STIL: variants seen among roughly 807,000 people sequenced by gnomAD.
The protein encoded by STIL is SCL-interrupting locus protein.
Under a neutral mutation model 110.1 loss-of-function variants are expected in STIL, and 55 were observed. The ratio of observed to expected loss-of-function variants is 0.50; its 90% CI spans 0.40 to 0.63. The LOEUF is 0.63. STIL is among the 20% of genes least tolerant of loss of function. The pLI, the probability that STIL is intolerant of heterozygous loss-of-function variation, is 0.00. For missense variants in STIL, 1,358 were observed against 1,530.0 expected (o/e 0.89, Z 1.87); for synonymous variants, 481 against 530.0 (o/e 0.91, Z 1.27).
intron 1 of STIL, among the ~76,000 whole-genome samples, chr1:47,313,330 A>T (rs2149303770): frequency 1.2e-5 from 1 of 82,352 alleles, no homozygotes; most frequent in African/African-American, 5.0e-5. Flanking sequence ...TCTCAAAAAT[A>T]AACATAAAAA....
At position 47,251,239 on chromosome 1, in the gene STIL, T is replaced by G; in HGVS notation, c.3764A>C (p.Glu1255Ala). 6.2e-7 allele frequency: 1 copy of G among 1,611,274 alleles called. No individual in the cohort carries two copies. Among genetic ancestry groups the G allele is most frequent in the South Asian group, 1.1e-5 (1 of 90,676 alleles). Residue 1255 changes from glutamate (E) to alanine (A), a missense_variant, in exon 17 of 17, where the codon GAA (glutamate) becomes GCA (alanine). Transcript: ENST00000371877. ...TAGCGTTTCAGAAGGTTGCAAACTTTCAGGAAAAATTGTAATGTCCCCTTC... is the reference window on the plus strand; with the variant it reads ...TAGCGTTTCAGAAGGTTGCAAACTTGCAGGAAAAATTGTAATGTCCCCTTC... ...ENEGDITIFP[E>A]SLQPSETLKQ...
chr1:47,291,958 G>A (rs1312530796), intron 8 of STIL, among the ~76,000 whole-genome samples: 1 of 151,794 alleles, frequency 6.6e-6, no homozygotes, highest in Non-Finnish European at 1.5e-5. Context: ...CTGGGCTCAA[G>A]CGATCTTCCC....
intron 12 of STIL, among the ~76,000 whole-genome samples, chr1:47,272,971 T>C (rs1041755723): frequency 6.6e-6 from 1 of 152,216 alleles, no homozygotes; most frequent in African/African-American, 2.4e-5. Context: ...TTAATAACAA[T>C]GGCTAACAGT....
intron 14 of STIL, among the ~76,000 whole-genome samples, chr1:47,266,619 G>A (rs1644661597): frequency 6.6e-6 from 1 of 152,176 alleles, no homozygotes; most frequent in South Asian, 2.1e-4. Context: ...TGTTTCATGT[G>A]CTATTATCCT....
chr1:47,301,015 CA>C (rs1645788575), intron 5 of STIL, among the ~76,000 whole-genome samples: 1 of 152,130 alleles, frequency 6.6e-6, no homozygotes, highest in African/African-American at 2.4e-5. Flanking sequence ...TCTGATTTGA[CA>C]GTGTTTTCTT....
rs1438077193 is a variant in STIL at position 47,306,952 on chromosome 1, G to A, written c.45-1956C>T. Among the ~76,000 whole-genome samples, 4 of 152,300 alleles carry A rather than the reference G, an allele frequency of 2.6e-5. No homozygotes were observed. The East Asian group carries it at 7.7e-4, about 29-fold the overall frequency. ...GGATCACTTGAGGCCTGCAGTTCGA[G>A]ACCAGCCTGGCCAACATGGTGAAAC... On this transcript the variant is annotated intron_variant, in intron 2 of 16. Transcript: ENST00000371877.
At chr1:47,279,741 A>AC (rs1459660522) in intron 12 of STIL, among the ~76,000 whole-genome samples, 1 of 151,492 alleles carries the variant, frequency 6.6e-6, no homozygotes, top group Non-Finnish European at 1.5e-5. Context: ...AAAAAAAAAA[A>AC]AAAACAACAA....
At chr1:47,285,805 A>G (rs946345217) in intron 10 of STIL, among the ~76,000 whole-genome samples, 4 of 152,062 alleles carry the variant, frequency 2.6e-5, no homozygotes, top group South Asian at 2.1e-4. Flanking sequence ...TGACCCAAGA[A>G]GTCACAAGAC....
intron 12 of STIL, among the ~76,000 whole-genome samples, chr1:47,274,248 C>T (rs1178514263): frequency 6.6e-6 from 1 of 152,214 alleles, no homozygotes; most frequent in Non-Finnish European, 1.5e-5. Flanking sequence ...AAATTGATCA[C>T]TCAGTGTTTT....
rs1646086586 is a variant in STIL, at chr1:47,310,336, T to C, written c.-17A>G. On this transcript the variant is annotated 5_prime_UTR_variant, in exon 2 of 17. Transcript: ENST00000371877. ...AGGCTCCATGATGTCTGGTGAATGA[T>C]TTCTTTAATTCCAAATCCTCAGTAT... 2 of 1,611,794 alleles carry C rather than the reference T, an allele frequency of 1.2e-6. No homozygotes were observed. The highest frequency in any genetic ancestry group is 2.2e-5 in the East Asian group (1 of 44,794).
intron 7 of STIL, among the ~76,000 whole-genome samples, chr1:47,295,306 A>C (rs896692936): frequency 5.9e-5 from 9 of 152,066 alleles, no homozygotes; most frequent in African/African-American, 2.2e-4. Flanking sequence ...CTGGCTGAGC[A>C]TGATGGTTCA....
intron 5 of STIL, among the ~76,000 whole-genome samples, chr1:47,301,061 T>G (rs1645789950): frequency 6.6e-6 from 1 of 152,176 alleles, no homozygotes; most frequent in African/African-American, 2.4e-5. Flanking sequence ...ATGGCCCATA[T>G]GACAAAGTTC....
At chr1:47,284,017 G>A (rs1326702684) in intron 10 of STIL, 5 of 152,076 alleles carry the variant, frequency 3.3e-5, no homozygotes, top group African/African-American at 7.3e-5. Context: ...TTGAGCCTCA[G>A]CGTCCGAGGA....
intron 6 of STIL, among the ~76,000 whole-genome samples, chr1:47,299,371 C>A (rs1645735218): frequency 6.7e-6 from 1 of 149,776 alleles, no homozygotes; most frequent in Admixed American, 6.7e-5. Context: ...GTTATCCAGA[C>A]ATTATACTTT....
At chr1:47,259,435 C>A (rs1159884368) in intron 16 of STIL, among the ~76,000 whole-genome samples, 1 of 151,186 alleles carries the variant, frequency 6.6e-6, no homozygotes, top group Non-Finnish European at 1.5e-5. Flanking sequence ...AGATTACAGG[C>A]GCCCGCCACC....
At chr1:47,262,237 T>C (rs1644507536) in intron 15 of STIL, among the ~76,000 whole-genome samples, 1 of 152,206 alleles carries the variant, frequency 6.6e-6, no homozygotes, top group Admixed American at 6.5e-5. Flanking sequence ...TTCTCGCAAA[T>C]GGACAAATCA....
At chr1:47,257,190 C>A (rs1163929392) in intron 16 of STIL, among the ~76,000 whole-genome samples, 9 of 152,200 alleles carry the variant, frequency 5.9e-5, no homozygotes, top group Non-Finnish European at 1.5e-5. Context: ...TACTAAAAAA[C>A]TAAGTTTAAG....
At chr1:47,263,744 G>GTTTTTTTTTTTTTTTTTTTTTTTTT (rs60915271) in intron 14 of STIL, among the ~76,000 whole-genome samples, 1 of 98,312 alleles carries the variant, frequency 1.0e-5, no homozygotes, top group Non-Finnish European at 2.0e-5. Context: ...TTCATTCCAA[G>GTTTTTTTTTTTTTTTTTTTTTTTTT]TTTTTTTTTT....
At chr1:47,276,799 G>A (rs1645004342) in intron 12 of STIL, among the ~76,000 whole-genome samples, 1 of 86,980 alleles carries the variant, frequency 1.1e-5, no homozygotes, top group Non-Finnish European at 2.0e-5. Flanking sequence ...GGGTGAAAGA[G>A]TAAAACTCTG....
Sources: gnomAD v4.1 joint callset for allele counts (sites outside exome capture counted in the v4.1 genomes callset) on GRCh38, gnomAD v4.1.1 for gene constraint, MANE v1.5 for transcripts, NCBI Gene and HGNC (gene_info 2026-07-23, HGNC 2026-07-21) for gene names.